SLIT1: variants seen among roughly 807,000 people sequenced by gnomAD.
The protein encoded by SLIT1 is slit guidance ligand 1.
SLIT1 carries 66 observed loss-of-function variants against 186.1 expected under a neutral mutation model. That is an observed-to-expected ratio of 0.35 (90% CI 0.29 to 0.44). The LOEUF is 0.44. Among genes scored for constraint, SLIT1 ranks in the 20% least tolerant of loss-of-function variants. SLIT1 has a pLI of 1.00. For synonymous variants in SLIT1, 761 were observed against 833.8 expected, an observed-to-expected ratio of 0.91 and a Z score of 1.50; for missense variants, 1,638 against 2,037.4, an observed-to-expected ratio of 0.80 and a Z score of 3.77.
At chr10:97,095,742 CG>C (rs1849281625) in intron 4 of SLIT1, among the ~76,000 whole-genome samples, 1 of 152,206 alleles carries the variant, frequency 6.6e-6, no homozygotes, top group Non-Finnish European at 1.5e-5. Context: ...CTCCAGACCC[CG>C]GTTCAGAGGC....
chr10:97,017,179 CG>C (rs1554844665), intron 28 of SLIT1, among the ~76,000 whole-genome samples: 1 of 152,220 alleles, frequency 6.6e-6, no homozygotes, highest in Non-Finnish European at 1.5e-5. Context: ...CCAGCTGGGG[CG>C]TCTCAGGAAT....
intron 4 of SLIT1, among the ~76,000 whole-genome samples, chr10:97,141,439 C>T (rs1355189863): frequency 6.6e-6 from 1 of 152,176 alleles, no homozygotes; most frequent in Non-Finnish European, 1.5e-5. Context: ...CAGATGGCTC[C>T]CAGTGTTAGC....
chr10:97,101,163 G>T (rs1243665413), intron 4 of SLIT1, among the ~76,000 whole-genome samples: 5 of 152,152 alleles, frequency 3.3e-5, no homozygotes, highest in African/African-American at 1.2e-4. Context: ...AGATACAGGT[G>T]GAAGAGAGTC....
chr10:97,156,702 C>T (rs1335920219), intron 4 of SLIT1, among the ~76,000 whole-genome samples: 4 of 152,132 alleles, frequency 2.6e-5, no homozygotes, highest in Non-Finnish European at 5.9e-5. Context: ...TCAGAGGAGA[C>T]AAAATCAAGC....
intron 1 of SLIT1, among the ~76,000 whole-genome samples, chr10:97,171,060 TA>T (rs940885481): frequency 6.6e-6 from 1 of 151,326 alleles, no homozygotes; most frequent in Non-Finnish European, 1.5e-5. Flanking sequence ...CTCAAAAAAA[TA>T]AAAAAAGAAA....
chr10:97,027,042 G>A (rs576697631), intron 25 of SLIT1, among the ~76,000 whole-genome samples: 3 of 152,284 alleles, frequency 2.0e-5, no homozygotes, highest in African/African-American at 4.8e-5. Context: ...TCCACACTGC[G>A]AGTGGACAGG....
chr10:97,179,548 A>G (rs1352694598), intron 1 of SLIT1, among the ~76,000 whole-genome samples: 1 of 152,248 alleles, frequency 6.6e-6, no homozygotes, highest in East Asian at 1.9e-4. Context: ...TAGGTGATGA[A>G]GCCAGGATTC....
At chr10:97,075,914 G>T (rs1050585096) in intron 4 of SLIT1, among the ~76,000 whole-genome samples, 11 of 152,164 alleles carry the variant, frequency 7.2e-5, no homozygotes, top group Non-Finnish European at 1.5e-4. Context: ...TCAAAGCAAG[G>T]GTTGGAGGTG....
At chr10:97,069,317 G>A (rs1205287426) in intron 4 of SLIT1, among the ~76,000 whole-genome samples, 1 of 152,232 alleles carries the variant, frequency 6.6e-6, no homozygotes, top group Non-Finnish European at 1.5e-5. Flanking sequence ...TGACCGGGCT[G>A]GGCTTGTGGA....
chr10:97,023,154 T>C (rs1848516020), intron 25 of SLIT1, among the ~76,000 whole-genome samples: 1 of 151,784 alleles, frequency 6.6e-6, no homozygotes, highest in Non-Finnish European at 1.5e-5. Flanking sequence ...CAGGTTCCAG[T>C]GATTCTTGTA....
At chr10:97,095,376 C>G (rs1660230707) in intron 4 of SLIT1, among the ~76,000 whole-genome samples, 1 of 152,242 alleles carries the variant, frequency 6.6e-6, no homozygotes, top group African/African-American at 2.4e-5. Flanking sequence ...CATCCTAATG[C>G]TATTCTTATG....
Position 97,002,345 on chromosome 10 carries a change from G to T in SLIT1, c.4179C>A (p.Pro1393=). 1.2e-6 allele frequency: 2 copies of T among 1,608,880 alleles called. No homozygotes were observed. The highest frequency in any genetic ancestry group is 2.2e-5 in the East Asian group (1 of 44,798). Residue 1393 remains proline (P), a synonymous_variant, in exon 36 of 37, where the codon CCC becomes CCA. Transcript: ENST00000266058. ...GGCAGCTGTAGGAAAGAGCGTCGAG[G>T]GGCACGCATTGCCCATGGACACACC... The part of the protein sequence containing the change: ...GHKCVHGQCV[P]LDALSYSCQC...
chr10:97,065,332 G>A (rs1281610265), intron 5 of SLIT1, among the ~76,000 whole-genome samples: 2 of 152,168 alleles, frequency 1.3e-5, no homozygotes, highest in Non-Finnish European at 2.9e-5. Context: ...GCTGTGAGGT[G>A]AGCTCTGTGG....
At chr10:97,144,952 G>A (rs1406810026) in intron 4 of SLIT1, among the ~76,000 whole-genome samples, 1 of 152,022 alleles carries the variant, frequency 6.6e-6, no homozygotes, top group Non-Finnish European at 1.5e-5. Flanking sequence ...TAGGTAACTT[G>A]TCCAGAGCCC....
chr10:97,175,870 C>G (rs574306456), intron 1 of SLIT1, among the ~76,000 whole-genome samples: 1 of 152,200 alleles, frequency 6.6e-6, no homozygotes, highest in Non-Finnish European at 1.5e-5. Flanking sequence ...GCTCCACCCC[C>G]AGACCAGACA....
In SLIT1 at chr10:97,063,535, A is replaced by G; in HGVS notation, c.713T>C (p.Leu238Pro). The change falls in exon 8 of 37, where the codon CTC becomes CCC. Residue 238 changes from leucine (L) to proline (P), a missense_variant. Physicochemically the swap from Leu to Pro is moderately conservative, Grantham distance 98. Around this residue, in one of 3 missense-constraint regions of SLIT1, gnomAD observed 1,245 missense variants for 1,535.3 expected, o/e 0.81. Transcript: ENST00000266058. ...QWLRQRPTIGLFTQCSGPASL... is the reference protein window; with the variant it reads ...QWLRQRPTIGPFTQCSGPASL... ...GGCTGGGCCCGAGCACTGGGTGAAG[A>G]GCCCGATGGTTGGCCGCTGCCTCAG... 1 of 1,613,182 alleles carries G rather than the reference A, an allele frequency of 6.2e-7. No individual in the cohort carries two copies. Among genetic ancestry groups the G allele is most frequent in the Non-Finnish European group, 8.5e-7 (1 of 1,179,912 alleles).
rs1262017180 is a variant in SLIT1 at position 96,998,656 on chromosome 10, A to AG, written c.*2455dup. The AG allele has an allele frequency of 1.3e-5, 2 of 152,258 alleles. No individual in the cohort carries two copies. Among genetic ancestry groups the AG allele is most frequent in the African/African-American group, 4.8e-5 (2 of 41,456 alleles). 9.4% of individuals were successfully genotyped at this position (152,258 alleles called of 1,614,324 possible). Reference sequence around the variant, plus strand: ...ACTCGCTGGCTGATGGCCAAGTTGGAGAAAAAGTTGATCCTGGGGCACACA... The same window carrying AG: ...ACTCGCTGGCTGATGGCCAAGTTGGAGGAAAAAGTTGATCCTGGGGCACACA... On this transcript the variant is annotated 3_prime_UTR_variant, in exon 37 of 37. Transcript: ENST00000266058.
chr10:97,038,040 C>T (rs1848656272), intron 21 of SLIT1, among the ~76,000 whole-genome samples: 1 of 152,174 alleles, frequency 6.6e-6, no homozygotes, highest in African/African-American at 2.4e-5. Context: ...TCCCAGCCTC[C>T]TCCTTGTCCA....
At chr10:97,082,779 C>A (rs1269045702) in intron 4 of SLIT1, among the ~76,000 whole-genome samples, 1 of 152,284 alleles carries the variant, frequency 6.6e-6, no homozygotes, top group East Asian at 1.9e-4. Context: ...GCTCTCACCA[C>A]TCTGGTGTGG....
Sources: allele counts gnomAD v4.1 joint callset (sites outside exome capture counted in the v4.1 genomes callset), GRCh38; gene constraint gnomAD v4.1.1; regional missense constraint gnomAD v4.1.1; transcripts MANE v1.5; gene names NCBI Gene and HGNC (gene_info 2026-07-23, HGNC 2026-07-21).